Variants in RBFOX1 observed in about 807,000 individuals in gnomAD.
The protein encoded by RBFOX1 is RNA binding protein fox-1 homolog 1.
RBFOX1 carries 8 observed loss-of-function variants against 57.7 expected under a neutral mutation model. The observed-to-expected ratio is 0.14, with a 90% CI of 0.08 to 0.25. The LOEUF (loss-of-function observed/expected upper bound fraction) is 0.25. RBFOX1 is among the 10% of genes least tolerant of loss of function. The probability of loss-of-function intolerance (pLI) is 1.00; values close to 1 mark genes in which losing one functional copy is unlikely to be tolerated. For synonymous variants in RBFOX1, 326 were observed against 222.4 expected (o/e 1.47, Z -4.15); for missense variants, 611 against 548.5 (o/e 1.11, Z -1.14).
chr16:5,423,068 G>A (rs1204534495), intron 1 of RBFOX1, among the ~76,000 whole-genome samples: 1 of 130,104 alleles, frequency 7.7e-6, no homozygotes, highest in Non-Finnish European at 1.7e-5. Context: ...GGAGGAAAGA[G>A]GAGGAGGAAG....
chr16:5,708,598 C>T (rs1175199736), intron 3 of RBFOX1, among the ~76,000 whole-genome samples: 1 of 152,190 alleles, frequency 6.6e-6, no homozygotes, highest in Non-Finnish European at 1.5e-5. Flanking sequence ...AACCATGTGT[C>T]TTCCAGTTTC....
In RBFOX1 at chr16:6,769,651, T is replaced by C. The variant is rs182374350; in HGVS notation, c.-16+115001T>C. The stretch of plus-strand genomic sequence containing the variant: ...GATGACTGTTGGCTCTAATGTATAA[T>C]ACGAGTGTATCTTCCATATCCCTCT... On this transcript the variant is annotated intron_variant, in intron 3 of 15. Transcript: ENST00000550418. Among the ~76,000 whole-genome samples, 158 of 152,362 alleles carry C rather than the reference T, an allele frequency of 1.0e-3. 2 individuals are homozygous for C. The highest frequency in any genetic ancestry group is 1.9e-3 in the Non-Finnish European group (130 of 68,024).
At chr16:6,280,148 G>C (rs1338715949) in intron 1 of RBFOX1, among the ~76,000 whole-genome samples, 1 of 152,070 alleles carries the variant, frequency 6.6e-6, no homozygotes, top group African/African-American at 2.4e-5. Flanking sequence ...AAACTCAGAA[G>C]GAAAAATAGG....
In RBFOX1 at chr16:6,085,606, C is replaced by T. The variant is rs80201048; in HGVS notation, c.-127+65614C>T. Among the ~76,000 whole-genome samples the T allele has an allele frequency of 6.7e-3, 1,018 of 152,092 alleles. 32 individuals carry two copies. The highest frequency in any genetic ancestry group is 0.042 in the Admixed American group (637 of 15,260). ...TTTTTAGGATACCCTTGGTTCTATG[C>T]CCCTGATGACCTGAAGGCAGGCAGG... On this transcript the variant is annotated intron_variant, in intron 1 of 15. Transcript: ENST00000550418.
At chr16:7,289,522 A>G (rs888053714) in intron 4 of RBFOX1, among the ~76,000 whole-genome samples, 2 of 152,106 alleles carry the variant, frequency 1.3e-5, no homozygotes, top group African/African-American at 2.4e-5. Flanking sequence ...CATCGTCATC[A>G]TCACCATTAT....
chr16:7,421,049 C>T (rs764968222), intron 4 of RBFOX1, among the ~76,000 whole-genome samples: 1 of 151,798 alleles, frequency 6.6e-6, no homozygotes, highest in East Asian at 1.9e-4. Context: ...TGAACCATAC[C>T]TGACTCTTTT....
chr16:6,972,612 T>C (rs1174381317), intron 3 of RBFOX1, among the ~76,000 whole-genome samples: 1 of 151,918 alleles, frequency 6.6e-6, no homozygotes, highest in African/African-American at 2.4e-5. Context: ...AGTGGAGACA[T>C]TGATGATGCA....
At chr16:6,445,561 CTTT>C (rs374322471) in intron 2 of RBFOX1, among the ~76,000 whole-genome samples, 53,872 of 114,360 alleles carry the variant, frequency 0.47, 11,734 homozygotes, top group Middle Eastern at 0.54. Context: ...CTCTGAACTC[CTTT>C]TTTTTTTTTT....
intron 4 of RBFOX1, among the ~76,000 whole-genome samples, chr16:7,324,157 T>C (rs920905419): frequency 6.6e-6 from 1 of 152,210 alleles, no homozygotes; most frequent in African/African-American, 2.4e-5. Context: ...GTGTCCTTTT[T>C]ACAATGAGCC....
At chr16:6,687,090 C>A (rs1603417897) in intron 3 of RBFOX1, among the ~76,000 whole-genome samples, 1 of 152,192 alleles carries the variant, frequency 6.6e-6, no homozygotes, top group East Asian at 1.9e-4. Context: ...GAAAGAATCA[C>A]ACTTACAGAT....
At chr16:7,348,535 A>G (rs1397427751) in intron 4 of RBFOX1, among the ~76,000 whole-genome samples, 2 of 152,178 alleles carry the variant, frequency 1.3e-5, no homozygotes, top group African/African-American at 4.8e-5. Context: ...GCAAGGTCGT[A>G]TATGATATCC....
At chr16:7,007,689 G>A (rs959914270) in intron 3 of RBFOX1, among the ~76,000 whole-genome samples, 2 of 152,114 alleles carry the variant, frequency 1.3e-5, no homozygotes, top group South Asian at 2.1e-4. Context: ...GATTTTGCAT[G>A]TACTTTTGCT....
intron 3 of RBFOX1, among the ~76,000 whole-genome samples, chr16:6,670,859 G>C (rs1367624961): frequency 6.6e-6 from 1 of 152,098 alleles, no homozygotes; most frequent in Admixed American, 6.5e-5. Context: ...AATTAGCCGG[G>C]CATGGTGGCG....
chr16:6,867,970 T>C (rs2060226147), intron 3 of RBFOX1, among the ~76,000 whole-genome samples: 1 of 152,174 alleles, frequency 6.6e-6, no homozygotes, highest in South Asian at 2.1e-4. Context: ...GGCAGTTGAA[T>C]TTTGATTTCT....
chr16:6,206,194 C>G (rs962698029), intron 1 of RBFOX1, among the ~76,000 whole-genome samples: 2 of 152,150 alleles, frequency 1.3e-5, no homozygotes, highest in African/African-American at 4.8e-5. Flanking sequence ...CCCTGGCTCA[C>G]TTTAGCGTTC....
intron 1 of RBFOX1, among the ~76,000 whole-genome samples, chr16:6,167,169 T>C (rs555322664): frequency 1.8e-4 from 28 of 152,346 alleles, no homozygotes; most frequent in African/African-American, 6.5e-4. Flanking sequence ...GCAAAGGGTG[T>C]TGGATGGGAA....
At chr16:6,011,713 C>T (rs576675857) in intron 4 of RBFOX1, among the ~76,000 whole-genome samples, 39 of 152,162 alleles carry the variant, frequency 2.6e-4, no homozygotes, top group Non-Finnish European at 5.0e-4. Flanking sequence ...ATGTGTCTCC[C>T]AATTTACCAT....
At chr16:5,851,453 C>T (rs2056895537) in intron 3 of RBFOX1, among the ~76,000 whole-genome samples, 3 of 152,202 alleles carry the variant, frequency 2.0e-5, no homozygotes, top group African/African-American at 7.2e-5. Context: ...CCAAGGCATT[C>T]TCTGCACTGC....
chr16:5,287,853 G>C (rs1449745846), intron 1 of RBFOX1, among the ~76,000 whole-genome samples: 1 of 152,252 alleles, frequency 6.6e-6, no homozygotes, highest in Non-Finnish European at 1.5e-5. Context: ...GGGAGGAACT[G>C]CAGAGACAAA....
Sources: allele counts gnomAD v4.1 joint callset (sites outside exome capture counted in the v4.1 genomes callset), GRCh38; gene constraint gnomAD v4.1.1; transcripts MANE v1.5; gene names NCBI Gene and HGNC (gene_info 2026-07-23, HGNC 2026-07-21).